TENM1: variants seen among roughly 807,000 people sequenced by gnomAD.
The protein encoded by TENM1 is teneurin-1.
TENM1 carries 35 observed loss-of-function variants against 174.8 expected under a neutral mutation model. The observed-to-expected ratio is 0.20, with a 90% CI of 0.15 to 0.27. The LOEUF (loss-of-function observed/expected upper bound fraction) is 0.27. Among genes scored for constraint, TENM1 ranks in the 10% least tolerant of loss-of-function variants. The pLI is 1.00. For missense variants in TENM1, 1,633 were observed against 2,130.1 expected, an observed-to-expected ratio of 0.77 and a Z score of 4.59; for synonymous variants, 781 against 798.7, an observed-to-expected ratio of 0.98 and a Z score of 0.37.
At chrX:124,689,852 G>A in intron 5 of TENM1, among the ~76,000 whole-genome samples, 1 of 110,339 alleles carries the variant, frequency 9.1e-6, no homozygotes, top group Non-Finnish European at 1.9e-5. Context: ...TAACAAAATA[G>A]AACAAGTATA....
chrX:124,726,568 T>TAAA (rs1299739686), intron 4 of TENM1, among the ~76,000 whole-genome samples: 1 of 112,112 alleles, frequency 8.9e-6, no homozygotes, highest in Admixed American at 9.5e-5. Flanking sequence ...AAAGAATCTT[T>TAAA]AAATCTGTGG....
chrX:125,121,276 C>T, the TENM1 span, among the ~76,000 whole-genome samples: 1 of 110,845 alleles, frequency 9.0e-6, no homozygotes, highest in Non-Finnish European at 1.9e-5. Context: ...GGGTAGGGAA[C>T]GAGGTTGGGA....
At chrX:124,947,802 G>A (rs952466422) in intron 1 of TENM1, among the ~76,000 whole-genome samples, 13 of 111,686 alleles carry the variant, frequency 1.2e-4, no homozygotes, top group Non-Finnish European at 2.3e-4. Flanking sequence ...TGTGGATTAA[G>A]TCAATGGCAA....
chrX:124,683,169 A>G (rs752880457), intron 5 of TENM1, among the ~76,000 whole-genome samples: 1 of 111,895 alleles, frequency 8.9e-6, no homozygotes, highest in African/African-American at 3.2e-5. Flanking sequence ...CACACCACAC[A>G]CAAGCCATTT....
At chrX:124,724,042 A>G (rs767364269) in intron 4 of TENM1, among the ~76,000 whole-genome samples, 31 of 112,450 alleles carry the variant, frequency 2.8e-4, no homozygotes, top group Non-Finnish European at 4.3e-4. Context: ...CATAGTAAGC[A>G]AGTAGTAGGA....
At chrX:125,157,600 A>G in the TENM1 span, among the ~76,000 whole-genome samples, 2 of 111,942 alleles carry the variant, frequency 1.8e-5, no homozygotes, top group Non-Finnish European at 3.8e-5. Flanking sequence ...ATCTCCCAAT[A>G]AGTCGATGTG....
intron 27 of TENM1, among the ~76,000 whole-genome samples, chrX:124,393,077 C>T (rs1026748890): frequency 9.0e-6 from 1 of 111,158 alleles, no homozygotes; most frequent in Non-Finnish European, 1.9e-5. Context: ...ACTTTTTCTA[C>T]CGTATGGTAG....
intron 6 of TENM1, among the ~76,000 whole-genome samples, chrX:124,655,603 T>G (rs2148403437): frequency 8.9e-6 from 1 of 112,530 alleles, no homozygotes; most frequent in East Asian, 2.8e-4. Flanking sequence ...ACACCTGCAG[T>G]GGCTTTATTC....
chrX:124,443,912 T>C (rs2060937760), intron 23 of TENM1, among the ~76,000 whole-genome samples: 1 of 112,131 alleles, frequency 8.9e-6, no homozygotes, highest in Non-Finnish European at 1.9e-5. Flanking sequence ...CATTATCCAG[T>C]TGAAATAAAA....
chrX:124,894,897 C>T (rs2057536718), intron 2 of TENM1, among the ~76,000 whole-genome samples: 2 of 111,405 alleles, frequency 1.8e-5, no homozygotes, highest in Non-Finnish European at 3.8e-5. Flanking sequence ...CATTTCCGTA[C>T]GTTACTTCCT....
the TENM1 span, among the ~76,000 whole-genome samples, chrX:125,039,825 C>CTTTTTTTTTTTTTTTTTTTTT: frequency 1.8e-5 from 2 of 111,345 alleles, no homozygotes; most frequent in African/African-American, 3.3e-5. Context: ...TGAGCCTTTT[C>CTTTTTTTTTTTTTTTTTTTTT]TTATTAACCT....
intron 3 of TENM1, among the ~76,000 whole-genome samples, chrX:124,754,433 C>A (rs1332681346): frequency 9.0e-6 from 1 of 111,422 alleles, no homozygotes; most frequent in African/African-American, 3.3e-5. Context: ...CCTATCAAAA[C>A]ACCAGCTCCT....
At chrX:124,924,556 C>G in intron 1 of TENM1, among the ~76,000 whole-genome samples, 1 of 111,664 alleles carries the variant, frequency 9.0e-6, no homozygotes, top group Middle Eastern at 4.6e-3. Flanking sequence ...TTTCCTATTT[C>G]CGTCCTTAAG....
intron 3 of TENM1, among the ~76,000 whole-genome samples, chrX:124,752,610 G>A (rs2054106928): frequency 8.9e-6 from 1 of 111,804 alleles, no homozygotes. Context: ...TTCTTCTAGG[G>A]TTTTTATGGT....
chrX:124,664,532 G>GA (rs779501054), intron 6 of TENM1, among the ~76,000 whole-genome samples: 1,119 of 29,198 alleles, frequency 0.038, 25 homozygotes, highest in Non-Finnish European at 0.045. Context: ...TAAAGCAAAA[G>GA]AAAAAAAAAA....
intron 11 of TENM1, among the ~76,000 whole-genome samples, chrX:124,611,227 A>G (rs1240112643): frequency 1.8e-5 from 2 of 112,023 alleles, no homozygotes; most frequent in Non-Finnish European, 3.8e-5. Flanking sequence ...AGGCTAAAAG[A>G]AAATGGAGAT....
chrX:124,540,581 C>T (rs2048296769), intron 15 of TENM1, among the ~76,000 whole-genome samples: 1 of 111,697 alleles, frequency 9.0e-6, no homozygotes, highest in Non-Finnish European at 1.9e-5. Context: ...AAATGGTATA[C>T]ATTCCCAGCT....
At chrX:125,046,358 A>G in the TENM1 span, among the ~76,000 whole-genome samples, 869 of 112,323 alleles carry the variant, frequency 7.7e-3, 9 homozygotes, top group African/African-American at 0.027. Context: ...TTGCCAAAGA[A>G]AGTATGTGAA....
intron 3 of TENM1, among the ~76,000 whole-genome samples, chrX:124,782,640 T>A (rs1283017825): frequency 9.0e-6 from 1 of 110,831 alleles, no homozygotes; most frequent in South Asian, 4.0e-4. Flanking sequence ...CTCATACATC[T>A]CTGATTCTCT....
Sources: allele counts gnomAD v4.1 joint callset (sites outside exome capture counted in the v4.1 genomes callset), GRCh38; gene constraint gnomAD v4.1.1; transcripts MANE v1.5; gene names NCBI Gene and HGNC (gene_info 2026-07-23, HGNC 2026-07-21).